Variants in CPNE4 observed in about 807,000 individuals in gnomAD.
The protein encoded by CPNE4 is copine 4.
Under a neutral mutation model 67.9 loss-of-function variants are expected in CPNE4, and 25 were observed. The ratio of observed to expected loss-of-function variants is 0.37; its 90% CI spans 0.27 to 0.51. The LOEUF is 0.51. Ranked by LOEUF, CPNE4 falls within the 20% of genes least tolerant of loss-of-function variation. CPNE4 has a pLI of 0.93. For synonymous variants in CPNE4, 242 were observed against 244.9 expected (o/e 0.99, Z 0.11); for missense variants, 464 against 690.8 (o/e 0.67, Z 3.68).
At chr3:131,868,296 C>A (rs556740597) in intron 2 of CPNE4, among the ~76,000 whole-genome samples, 34 of 152,258 alleles carry the variant, frequency 2.2e-4, no homozygotes, top group Non-Finnish European at 2.8e-4. Flanking sequence ...GCAGAAGCAC[C>A]GTTACAATTT....
At chr3:131,579,860 C>A (rs1237026951) in intron 9 of CPNE4, among the ~76,000 whole-genome samples, 1 of 152,208 alleles carries the variant, frequency 6.6e-6, no homozygotes, top group Non-Finnish European at 1.5e-5. Flanking sequence ...GGTGAAGATG[C>A]TGTGAACACT....
At chr3:131,650,214 C>T (rs2079773771) in intron 7 of CPNE4, among the ~76,000 whole-genome samples, 1 of 152,156 alleles carries the variant, frequency 6.6e-6, no homozygotes. Flanking sequence ...ACATCTTCAC[C>T]TCTTCCATAC....
At chr3:131,551,363 G>C (rs1296093251) in intron 13 of CPNE4, among the ~76,000 whole-genome samples, 1 of 152,066 alleles carries the variant, frequency 6.6e-6, no homozygotes, top group Non-Finnish European at 1.5e-5. Context: ...TGGTTCTTGA[G>C]CTTTTGCCTA....
intron 6 of CPNE4, among the ~76,000 whole-genome samples, chr3:131,671,459 ATGTGTGTGTGTG>A (rs58195413): frequency 7.6e-6 from 1 of 131,254 alleles, no homozygotes; most frequent in Non-Finnish European, 1.8e-5. Context: ...GAGTGTACAC[ATGTGTGTGTGTG>A]TGTGTGTGTG....
intron 2 of CPNE4, among the ~76,000 whole-genome samples, chr3:131,759,255 G>T (rs1583153589): frequency 6.6e-6 from 1 of 152,134 alleles, no homozygotes; most frequent in Admixed American, 6.6e-5. Flanking sequence ...TGGAACTCTA[G>T]GATGAAGCCA....
At chr3:131,752,113 T>A (rs1168413610) in intron 2 of CPNE4, among the ~76,000 whole-genome samples, 1 of 152,166 alleles carries the variant, frequency 6.6e-6, no homozygotes, top group Non-Finnish European at 1.5e-5. Context: ...TACCATGTGA[T>A]CTTTAATCCC....
At chr3:131,847,890 C>T (rs1416116334) in intron 2 of CPNE4, among the ~76,000 whole-genome samples, 1 of 152,116 alleles carries the variant, frequency 6.6e-6, no homozygotes, top group Non-Finnish European at 1.5e-5. Context: ...GTTCACTTCA[C>T]CCAGGATTTA....
chr3:131,791,686 G>A (rs994031588), intron 2 of CPNE4, among the ~76,000 whole-genome samples: 7 of 152,158 alleles, frequency 4.6e-5, no homozygotes, highest in Admixed American at 6.5e-5. Context: ...AGCCCTGACT[G>A]CGTACTCTTC....
At chr3:131,945,232 CAA>C (rs1248641614) in intron 1 of CPNE4, among the ~76,000 whole-genome samples, 1 of 152,074 alleles carries the variant, frequency 6.6e-6, no homozygotes, top group African/African-American at 2.4e-5. Flanking sequence ...AACCTGGTAA[CAA>C]AAATGACATT....
intron 2 of CPNE4, among the ~76,000 whole-genome samples, chr3:131,897,003 C>T (rs1245283999): frequency 2.0e-5 from 3 of 152,042 alleles, no homozygotes; most frequent in African/African-American, 7.2e-5. Flanking sequence ...AGGCAGATTC[C>T]TAACGGGCAG....
chr3:131,807,626 G>T (rs1382446626), intron 2 of CPNE4, among the ~76,000 whole-genome samples: 1 of 152,028 alleles, frequency 6.6e-6, no homozygotes, highest in Admixed American at 6.6e-5. Flanking sequence ...GGTCATAGGG[G>T]AATACACTTT....
intron 4 of CPNE4, among the ~76,000 whole-genome samples, chr3:131,697,217 G>T (rs1452509801): frequency 1.3e-5 from 2 of 152,238 alleles, no homozygotes; most frequent in East Asian, 1.9e-4. Flanking sequence ...CTCATAATAG[G>T]TCATTTTCCA....
At chr3:131,558,282 T>C (rs1347910505) in intron 11 of CPNE4, among the ~76,000 whole-genome samples, 1 of 152,002 alleles carries the variant, frequency 6.6e-6, no homozygotes, top group African/African-American at 2.4e-5. Flanking sequence ...ATTTCTGTTT[T>C]AAAATAAAAC....
At chr3:131,796,356 C>G (rs1190571399) in intron 2 of CPNE4, among the ~76,000 whole-genome samples, 1 of 152,082 alleles carries the variant, frequency 6.6e-6, no homozygotes. Context: ...AATTGAATCT[C>G]TAATTTGGAT....
intron 2 of CPNE4, among the ~76,000 whole-genome samples, chr3:131,828,168 C>T (rs1265827130): frequency 6.6e-6 from 1 of 151,970 alleles, no homozygotes; most frequent in Non-Finnish European, 1.5e-5. Context: ...ATTTTATTCC[C>T]CTCACTGCTC....
intron 7 of CPNE4, among the ~76,000 whole-genome samples, chr3:131,669,183 A>T (rs2080338641): frequency 6.6e-6 from 1 of 152,108 alleles, no homozygotes; most frequent in Non-Finnish European, 1.5e-5. Context: ...CAGAAGCAGA[A>T]CCACCCTCCT....
rs1582848114 is a variant in CPNE4, at chr3:131,586,856, G to A, written c.780+628C>T. 3.3e-5 allele frequency among the ~76,000 whole-genome samples: 5 copies of A among 152,196 alleles called. 1 individual carries two copies. In the South Asian group the frequency reaches 1.0e-3, roughly 32 times the overall value. On this transcript the variant is annotated intron_variant, in intron 8 of 15. Transcript: ENST00000429747. ...TTTCTGTGTGGGACAGTGTGTCTTA[G>A]TGGTATGTGGTAGTGCTTGTGTACA... is the stretch of plus-strand genomic sequence containing the variant.
At chr3:131,603,246 AG>A (rs1559967897) in intron 7 of CPNE4, among the ~76,000 whole-genome samples, 1 of 152,214 alleles carries the variant, frequency 6.6e-6, no homozygotes, top group Non-Finnish European at 1.5e-5. Context: ...ACAGCAAAAA[AG>A]ATACATAAGT....
chr3:131,725,754 T>G (rs148848515), intron 2 of CPNE4, among the ~76,000 whole-genome samples: 25 of 152,342 alleles, frequency 1.6e-4, no homozygotes, highest in Admixed American at 1.6e-3. Context: ...ATTTTCCCAC[T>G]TAATAAGGTA....
Sources: allele counts gnomAD v4.1 joint callset (sites outside exome capture counted in the v4.1 genomes callset), GRCh38; gene constraint gnomAD v4.1.1; transcripts MANE v1.5; gene names NCBI Gene and HGNC (gene_info 2026-07-23, HGNC 2026-07-21).